Variants in OSBP observed in about 807,000 individuals in gnomAD.
The protein encoded by OSBP is oxysterol-binding protein 1.
In OSBP, 32 loss-of-function variants were observed where a neutral mutation model predicts 96.6. The observed-to-expected ratio is 0.33, with a 90% CI of 0.25 to 0.45. OSBP has a LOEUF of 0.45. Ranked by LOEUF, OSBP falls within the 20% of genes least tolerant of loss-of-function variation. The pLI is 1.00. For synonymous variants in OSBP, 369 were observed against 389.6 expected (o/e 0.95, Z 0.62); for missense variants, 653 against 1,029.7 (o/e 0.63, Z 5.01).
At chr11:59,585,094 C>A (rs1457947046) in intron 9 of OSBP, among the ~76,000 whole-genome samples, 10 of 151,656 alleles carry the variant, frequency 6.6e-5, no homozygotes, top group Admixed American at 2.0e-4. Context: ...TGCCTGGCTG[C>A]CCATCGTCTG....
intron 10 of OSBP, among the ~76,000 whole-genome samples, chr11:59,580,690 T>A (rs970997488): frequency 1.3e-4 from 20 of 152,064 alleles, no homozygotes; most frequent in Non-Finnish European, 1.5e-4. Context: ...CTTTTTTTTT[T>A]AAATTTTTTG....
Position 59,594,019 on chromosome 11 carries a change from G to A in OSBP, c.1548C>T (p.Leu516=), listed in dbSNP as rs1359464369. 1.2e-6 allele frequency: 2 copies of A among 1,614,112 alleles called. No homozygotes were observed. The highest frequency in any genetic ancestry group is 1.7e-5 in the Admixed American group (1 of 60,020). The change falls in exon 8 of 14, where the codon CTC becomes CTT. Residue 516 remains leucine, a synonymous_variant. Transcript: ENST00000263847. ...TCTGAGGTTCCTTTACCTGTTCACA[G>A]AGGGATCGGTACCCATTCTCCTCTA... is the stretch of plus-strand genomic sequence containing the variant. ...DRLEENGYRS[L]CEQVSHHPPA... is the part of the protein sequence containing the mutation.
At chr11:59,605,801 T>A (rs933237554) in intron 3 of OSBP, among the ~76,000 whole-genome samples, 2 of 152,192 alleles carry the variant, frequency 1.3e-5, no homozygotes, top group African/African-American at 4.8e-5. Flanking sequence ...CAACAAGCCT[T>A]TGAAGTATCT....
intron 3 of OSBP, among the ~76,000 whole-genome samples, chr11:59,606,995 A>G (rs1590678113): frequency 1.3e-5 from 2 of 152,312 alleles, no homozygotes; most frequent in Non-Finnish European, 2.9e-5. Flanking sequence ...CTTAGGGAAG[A>G]ATTTCCCCAA....
At chr11:59,586,178 GAAAAAAAA>G (rs34764421) in intron 9 of OSBP, among the ~76,000 whole-genome samples, 1 of 60,406 alleles carries the variant, frequency 1.7e-5, no homozygotes, top group Non-Finnish European at 3.8e-5. Flanking sequence ...AATAAATAAA[GAAAAAAAA>G]AAAAAGAAAA....
intron 7 of OSBP, among the ~76,000 whole-genome samples, chr11:59,599,041 T>A (rs1173899747): frequency 6.6e-6 from 1 of 152,252 alleles, no homozygotes; most frequent in African/African-American, 2.4e-5. Flanking sequence ...GAAGCCTGGC[T>A]CTGACACCAT....
chr11:59,586,432 C>T (rs1352310116), intron 9 of OSBP, among the ~76,000 whole-genome samples: 2 of 152,154 alleles, frequency 1.3e-5, no homozygotes, highest in African/African-American at 4.8e-5. Context: ...GAAACACATC[C>T]TATGTTCATA....
At position 59,576,363 on chromosome 11, in the gene OSBP, T is replaced by G. The variant is rs1330072272; in HGVS notation, c.*214A>C. On this transcript the variant is annotated 3_prime_UTR_variant, in exon 14 of 14. Transcript: ENST00000263847. Reference sequence around the variant, plus strand: ...CTAAACCTCTCCCTTACAGACATAGTATCTCCTATGTCGATTTCAGTTTCA... The same window carrying G: ...CTAAACCTCTCCCTTACAGACATAGGATCTCCTATGTCGATTTCAGTTTCA... The G allele has an allele frequency of 1.3e-5, 7 of 558,000 alleles. No homozygotes were observed. Among genetic ancestry groups the G allele is most frequent in the Non-Finnish European group, 6.3e-6 (2 of 316,324 alleles). The allele number at this position is 558,000 out of a possible 1,614,324, so 34.6% of individuals were successfully genotyped here.
At position 59,575,080 on chromosome 11, in the gene OSBP, T is replaced by G. The variant is rs565603627; in HGVS notation, c.*1497A>C. The G allele has an allele frequency of 6.6e-6, 1 of 151,974 alleles. No homozygotes were observed. Among genetic ancestry groups the G allele is most frequent in the East Asian group, 1.9e-4 (1 of 5,184 alleles). 9.4% of individuals were successfully genotyped at this position (151,974 alleles called of 1,614,324 possible). The stretch of plus-strand genomic sequence containing the variant: ...AGCCAGGGCCCCACAGGAGCAATTA[T>G]CTGATCCACCCCACATGACGGTGCT... On this transcript the variant is annotated 3_prime_UTR_variant, in exon 14 of 14. Transcript: ENST00000263847.
intron 9 of OSBP, among the ~76,000 whole-genome samples, chr11:59,587,359 G>A (rs887150995): frequency 2.6e-5 from 4 of 151,994 alleles, no homozygotes; most frequent in African/African-American, 7.3e-5. Flanking sequence ...AAAATTAGCC[G>A]GGTGTGTTGC....
At chr11:59,580,701 T>C (rs1159234350) in intron 10 of OSBP, among the ~76,000 whole-genome samples, 1 of 152,144 alleles carries the variant, frequency 6.6e-6, no homozygotes, top group Non-Finnish European at 1.5e-5. Flanking sequence ...AAATTTTTTG[T>C]AGAGACAAGG....
Position 59,608,707 on chromosome 11 carries a change from G to A in OSBP, c.599C>T (p.Ser200Leu), listed in dbSNP as rs753528162. ...CTGCAGCTCAGTCTTGTCAGTTTGT[G>A]AGACAGACTCTTCATCTCCTGATTC... ...SDESGDEESVSQTDKTELQNT... is the reference protein window; with the variant it reads ...SDESGDEESVLQTDKTELQNT... Residue 200 changes from serine (S) to leucine (L), a missense_variant, in exon 3 of 14, where the codon TCA (serine) becomes TTA (leucine). This residue lies in a region of OSBP where 308 missense variants were observed against 573.1 expected (regional missense o/e 0.54). Transcript: ENST00000263847. The A allele has an allele frequency of 1.8e-5, 29 of 1,613,818 alleles. No homozygotes were observed. The highest frequency in any genetic ancestry group is 1.6e-4 in the Middle Eastern group (1 of 6,082).
intron 9 of OSBP, among the ~76,000 whole-genome samples, chr11:59,584,631 G>A (rs1275848885): frequency 6.6e-6 from 1 of 152,000 alleles, no homozygotes; most frequent in East Asian, 1.9e-4. Flanking sequence ...AGAAATACAA[G>A]GAAAATACCT....
chr11:59,574,445 AAAATC>A lies in OSBP; in HGVS notation c.*2127_*2131del, dbSNP rs1453251123. The A allele has an allele frequency of 2.0e-5, 3 of 152,378 alleles. No individual in the cohort carries two copies. Among genetic ancestry groups the A allele is most frequent in the Admixed American group, 6.5e-5 (1 of 15,272 alleles). The allele number at this position is 152,378 out of a possible 1,614,324, so 9.4% of individuals were successfully genotyped here. ...TTTAGTAGTTTTTTTTTTTTGGAAAAAAATCAATAAGGCAAAAAAACTGAAAATAT... is the reference window on the plus strand; with the variant it reads ...TTTAGTAGTTTTTTTTTTTTGGAAAAAATAAGGCAAAAAAACTGAAAATAT... On this transcript the variant is annotated 3_prime_UTR_variant, in exon 14 of 14. Transcript: ENST00000263847.
Position 59,575,438 on chromosome 11 carries a change from GA to G in OSBP, c.*1138del, listed in dbSNP as rs1280606065. On this transcript the variant is annotated 3_prime_UTR_variant, in exon 14 of 14. Transcript: ENST00000263847. ...GCCATCCACATCAACACGTGTCCAA[GA>G]AAGAGTCTCAGGGAGACAAGGGTAT... 1 of 152,410 alleles carries G rather than the reference GA, an allele frequency of 6.6e-6. No individual in the cohort carries two copies. Among genetic ancestry groups the G allele is most frequent in the Non-Finnish European group, 1.5e-5 (1 of 68,008 alleles). 9.4% of individuals were successfully genotyped at this position (152,410 alleles called of 1,614,324 possible).
chr11:59,585,617 C>A (rs1336736945), intron 9 of OSBP, among the ~76,000 whole-genome samples: 1 of 152,168 alleles, frequency 6.6e-6, no homozygotes, highest in Non-Finnish European at 1.5e-5. Flanking sequence ...GCCGCCCCTA[C>A]TGGGAAGTGA....
intron 9 of OSBP, among the ~76,000 whole-genome samples, chr11:59,585,091 C>G (rs1408976640): frequency 6.6e-6 from 1 of 151,734 alleles, no homozygotes; most frequent in East Asian, 1.9e-4. Flanking sequence ...CTCTGCCTGG[C>G]TGCCCATCGT....
At chr11:59,615,198 TG>T (rs2134713546) in intron 1 of OSBP, 104 bp downstream of exon 1, 1 of 954,554 alleles carries the variant, frequency 1.0e-6, no homozygotes, top group East Asian at 3.5e-5. Flanking sequence ...AAAAGGGGCC[TG>T]GGGCAACCCT....
chr11:59,606,360 AC>A (rs969007673), intron 3 of OSBP, among the ~76,000 whole-genome samples: 12 of 152,150 alleles, frequency 7.9e-5, no homozygotes, highest in Non-Finnish European at 1.8e-4. Context: ...TAAAAAAAAA[AC>A]AATATCATGT....
Sources: gnomAD v4.1 joint callset for allele counts (sites outside exome capture counted in the v4.1 genomes callset) on GRCh38, gnomAD v4.1.1 for gene constraint, gnomAD v4.1.1 regional missense constraint, MANE v1.5 for transcripts, NCBI Gene and HGNC (gene_info 2026-07-23, HGNC 2026-07-21) for gene names.